The following CDH13 variants were observed in gnomAD, a reference collection of about 807,000 sequenced individuals.
CDH13 encodes cadherin 13, also known as cadherin-13.
Under a neutral mutation model 63.8 loss-of-function variants are expected in CDH13, and 24 were observed. The observed-to-expected ratio is 0.38, with a 90% CI of 0.27 to 0.53. The LOEUF is 0.53. Ranked by LOEUF, CDH13 falls within the 20% of genes least tolerant of loss-of-function variation. The pLI is 0.85. For missense variants in CDH13, 1,049 were observed against 903.1 expected, an observed-to-expected ratio of 1.16 and a Z score of -2.07; for synonymous variants, 503 against 355.3, an observed-to-expected ratio of 1.42 and a Z score of -4.67.
chr16:83,157,738 TAAAAAAAAAAA>T (rs58336254), intron 4 of CDH13, among the ~76,000 whole-genome samples: 18 of 99,524 alleles, frequency 1.8e-4, no homozygotes, highest in African/African-American at 4.8e-4. Context: ...ACTAGAAATA[TAAAAAAAAAAA>T]AAAAAAAAAA....
At chr16:83,098,792 T>G (rs1200177985) in intron 3 of CDH13, among the ~76,000 whole-genome samples, 3 of 152,210 alleles carry the variant, frequency 2.0e-5, no homozygotes, top group Admixed American at 2.0e-4. Context: ...AATTTATTTT[T>G]ATTAGTGGTT....
At chr16:82,811,312 T>G (rs1342053647) in intron 1 of CDH13, among the ~76,000 whole-genome samples, 1 of 152,208 alleles carries the variant, frequency 6.6e-6, no homozygotes, top group East Asian at 1.9e-4. Flanking sequence ...AAAAGTCAGC[T>G]GTTAAACATT....
intron 3 of CDH13, among the ~76,000 whole-genome samples, chr16:83,075,294 C>G (rs970814218): frequency 6.6e-6 from 1 of 152,204 alleles, no homozygotes; most frequent in Non-Finnish European, 1.5e-5. Context: ...CAGGGGACCA[C>G]AAAGAGAGTG....
intron 1 of CDH13, among the ~76,000 whole-genome samples, chr16:82,827,151 A>G (rs190964054): frequency 1.8e-4 from 27 of 152,332 alleles, no homozygotes; most frequent in Non-Finnish European, 3.2e-4. Context: ...GAAAAATAAT[A>G]CTGTTAATAT....
Position 82,913,154 on chromosome 16 carries a change from C to G in CDH13, c.157+54681C>G, listed in dbSNP as rs895423932. Among the ~76,000 whole-genome samples the G allele has an allele frequency of 8.5e-5, 13 of 152,068 alleles. 1 individual carries two copies. The highest frequency in any genetic ancestry group is 1.5e-5 in the Non-Finnish European group (1 of 68,018). On this transcript the variant is annotated intron_variant, in intron 2 of 13. Coordinates refer to ENST00000567109, the MANE Select transcript of CDH13 (RefSeq NM_001257.5). ...CTTAAAAAACTCAGTAGAAATGGAACTCAGATTTTAAAATGGACTTTAAAA... is the reference window on the plus strand; with the variant it reads ...CTTAAAAAACTCAGTAGAAATGGAAGTCAGATTTTAAAATGGACTTTAAAA...
chr16:82,796,719 C>A (rs896171747), intron 1 of CDH13, among the ~76,000 whole-genome samples: 1 of 152,216 alleles, frequency 6.6e-6, no homozygotes, highest in Non-Finnish European at 1.5e-5. Context: ...ATTCTTGGAG[C>A]TTCTTTGCTG....
At chr16:82,994,184 A>G (rs894716963) in intron 2 of CDH13, among the ~76,000 whole-genome samples, 2 of 152,170 alleles carry the variant, frequency 1.3e-5, no homozygotes, top group Non-Finnish European at 2.9e-5. Flanking sequence ...AGACGACAGC[A>G]GCTGCACCTC....
chr16:83,449,409 C>T (rs1473747827), intron 6 of CDH13, among the ~76,000 whole-genome samples: 1 of 152,208 alleles, frequency 6.6e-6, no homozygotes, highest in African/African-American at 2.4e-5. Flanking sequence ...TACCTGATCA[C>T]ACATCTTCGT....
intron 1 of CDH13, among the ~76,000 whole-genome samples, chr16:82,835,528 T>C (rs772446791): frequency 2.0e-5 from 3 of 152,196 alleles, no homozygotes; most frequent in Non-Finnish European, 2.9e-5. Context: ...CTTGATTTGA[T>C]AAAATGCTCC....
At chr16:82,664,916 T>C (rs1448463875) in intron 1 of CDH13, among the ~76,000 whole-genome samples, 2 of 152,196 alleles carry the variant, frequency 1.3e-5, no homozygotes, top group African/African-American at 4.8e-5. Context: ...TATGCATATA[T>C]ATGTGTGTGT....
At position 82,710,005 on chromosome 16, in the gene CDH13, G is replaced by GT. The variant is rs558626006; in HGVS notation, c.45+82870dup. On this transcript the variant is annotated intron_variant, in intron 1 of 13. Transcript: ENST00000567109. Reference sequence around the variant, plus strand: ...CCATCTTCTGGGCTTGATAGCATGGGTTAGGATGGGCTGACAAAGACTGCC... The same window carrying GT: ...CCATCTTCTGGGCTTGATAGCATGGGTTTAGGATGGGCTGACAAAGACTGCC... 1.6e-3 allele frequency among the ~76,000 whole-genome samples: 245 copies of GT among 151,760 alleles called. 2 individuals are homozygous for GT. The highest frequency in any genetic ancestry group is 3.4e-3 in the Admixed American group (51 of 15,206).
rs143843566 is a variant in CDH13 at position 83,239,590 on chromosome 16, T to C, written c.636+22093T>C. Among the ~76,000 whole-genome samples, 20 of 152,298 alleles carry C rather than the reference T, an allele frequency of 1.3e-4. 1 individual carries two copies. Among genetic ancestry groups the C allele is most frequent in the African/African-American group, 4.1e-4 (17 of 41,568 alleles). On this transcript the variant is annotated intron_variant, in intron 5 of 13. Coordinates refer to ENST00000567109, the MANE Select transcript of CDH13 (RefSeq NM_001257.5). Reference sequence around the variant, plus strand: ...TCACAGCACACAAAGAAAATAGGCATAGCATCATTCCAGTCTGTCTACTTT... The same window carrying C: ...TCACAGCACACAAAGAAAATAGGCACAGCATCATTCCAGTCTGTCTACTTT...
chr16:83,328,722 T>C (rs757568920), intron 5 of CDH13, among the ~76,000 whole-genome samples: 11 of 152,216 alleles, frequency 7.2e-5, no homozygotes, highest in South Asian at 4.1e-4. Flanking sequence ...ATAAGGAGCA[T>C]TGGGCACCCT....
rs375361787 is a variant in CDH13 at position 83,473,384 on chromosome 16, G to A, written c.782-13093G>A. Among the ~76,000 whole-genome samples the A allele has an allele frequency of 3.2e-4, 49 of 152,252 alleles. 1 individual carries two copies. The South Asian group carries it at 4.4e-3, about 14-fold the overall frequency. ...AGCAATTTGCTAGCACTTTCTTCCC[G>A]TTGAACACGGAGTCTGAATTGTGTG... is the stretch of plus-strand genomic sequence containing the variant. On this transcript the variant is annotated intron_variant, in intron 6 of 13. Transcript: ENST00000567109.
intron 8 of CDH13, among the ~76,000 whole-genome samples, chr16:83,615,430 A>C (rs1170248348): frequency 1.3e-5 from 2 of 152,168 alleles, no homozygotes; most frequent in African/African-American, 4.8e-5. Flanking sequence ...AAATCTTTGA[A>C]GCCGATTAAA....
Position 82,891,947 on chromosome 16 carries a change from G to A in CDH13, c.157+33474G>A, listed in dbSNP as rs148897981. Among the ~76,000 whole-genome samples the A allele has an allele frequency of 3.3e-4, 51 of 152,314 alleles. No homozygotes were observed. The East Asian group carries it at 7.9e-3, about 24-fold the overall frequency. ...AAATTACAGCTCTGAGACAATTGTT[G>A]TTGGTCAGTATCCTTTTGATCCTTT... On this transcript the variant is annotated intron_variant, in intron 2 of 13. Coordinates refer to ENST00000567109, the MANE Select transcript of CDH13 (RefSeq NM_001257.5).
chr16:83,705,193 C>T (rs1432607380), intron 10 of CDH13, among the ~76,000 whole-genome samples: 1 of 152,162 alleles, frequency 6.6e-6, no homozygotes, highest in African/African-American at 2.4e-5. Flanking sequence ...CAATGCTTTA[C>T]CTGATTTTGA....
intron 11 of CDH13, among the ~76,000 whole-genome samples, chr16:83,753,660 T>C (rs980673402): frequency 6.6e-6 from 1 of 152,166 alleles, no homozygotes; most frequent in Non-Finnish European, 1.5e-5. Flanking sequence ...ATAAGGATTT[T>C]TGGCATATAA....
chr16:83,252,273 T>A (rs997330885), intron 5 of CDH13, among the ~76,000 whole-genome samples: 1 of 3,784 alleles, frequency 2.6e-4, no homozygotes, highest in Non-Finnish European at 9.4e-4. Context: ...TTTTTTTTCT[T>A]TTTTTTTTTC....
Sources: gnomAD v4.1 joint callset for allele counts (sites outside exome capture counted in the v4.1 genomes callset) on GRCh38, gnomAD v4.1.1 for gene constraint, MANE v1.5 for transcripts, NCBI Gene and HGNC (gene_info 2026-07-23, HGNC 2026-07-21) for gene names.